ERI3: variants seen among roughly 807,000 people sequenced by gnomAD.
The protein encoded by ERI3 is ERI1 exoribonuclease family member 3, also known as ERI1 exoribonuclease 3.
ERI3 carries 18 observed loss-of-function variants against 44.4 expected under a neutral mutation model. That is an observed-to-expected ratio of 0.41 (90% CI 0.28 to 0.60). ERI3 has a LOEUF of 0.60. Ranked by LOEUF, ERI3 falls within the 20% of genes least tolerant of loss-of-function variation. ERI3 has a pLI of 0.36. For synonymous variants in ERI3, 183 were observed against 164.8 expected (o/e 1.11, Z -0.84); for missense variants, 294 against 435.5 (o/e 0.68, Z 2.89).
chr1:44,310,959 GCGCGCACACA>G (rs1274898664), intron 5 of ERI3, among the ~76,000 whole-genome samples: 19 of 81,276 alleles, frequency 2.3e-4, no homozygotes, highest in South Asian at 5.5e-4. Context: ...CATCGCGCGC[GCGCGCACACA>G]CACACACACA....
chr1:44,334,251 T>C (rs1432393480), intron 3 of ERI3, among the ~76,000 whole-genome samples: 3 of 152,192 alleles, frequency 2.0e-5, no homozygotes, highest in Non-Finnish European at 4.4e-5. Flanking sequence ...TTTTCCTCAC[T>C]TACATTTGCT....
chr1:44,278,760 C>T (rs868137553), intron 7 of ERI3, among the ~76,000 whole-genome samples: 2 of 152,056 alleles, frequency 1.3e-5, no homozygotes, highest in African/African-American at 4.8e-5. Flanking sequence ...CCACCACATC[C>T]GACTAATTTT....
rs140353347 is a variant in ERI3 at position 44,329,381 on chromosome 1, G to A, written c.490-9637C>T. Among the ~76,000 whole-genome samples the A allele has an allele frequency of 1.2e-3, 177 of 152,216 alleles. 1 individual carries two copies. Among genetic ancestry groups the A allele is most frequent in the African/African-American group, 4.0e-3 (166 of 41,538 alleles). The stretch of plus-strand genomic sequence containing the variant: ...TGAATTTCCTTTCAGGTCTGCCCCC[G>A]ACATTGTTTCTCTAGTCACATTACC... On this transcript the variant is annotated intron_variant, in intron 3 of 8. Coordinates refer to ENST00000372257, the MANE Select transcript of ERI3 (RefSeq NM_024066.3).
At chr1:44,287,736 A>G (rs905292917) in intron 6 of ERI3, among the ~76,000 whole-genome samples, 2 of 152,214 alleles carry the variant, frequency 1.3e-5, no homozygotes, top group Non-Finnish European at 1.5e-5. Context: ...CAATAATTCT[A>G]TTTCCTTCAA....
chr1:44,337,378 T>C (rs2154331010), intron 3 of ERI3, among the ~76,000 whole-genome samples: 1 of 152,292 alleles, frequency 6.6e-6, no homozygotes, highest in South Asian at 2.1e-4. Flanking sequence ...AAGATTTGGA[T>C]CCCTAATTCC....
chr1:44,256,702 G>A (rs1644788135), intron 7 of ERI3: 1 of 152,260 alleles, frequency 6.6e-6, no homozygotes, highest in Admixed American at 6.5e-5. Context: ...ACAGGTCTAA[G>A]TCCCACAGCA....
intron 8 of ERI3, among the ~76,000 whole-genome samples, chr1:44,225,054 C>T (rs1368286141): frequency 6.6e-6 from 1 of 152,056 alleles, no homozygotes; most frequent in Non-Finnish European, 1.5e-5. Context: ...AGAGAGAGAG[C>T]AGCAGGGTGT....
chr1:44,354,869 C>A, intron 1 of ERI3, 23 bp downstream of exon 1: 1 of 1,314,760 alleles, frequency 7.6e-7, no homozygotes. Flanking sequence ...CCAATCTTGG[C>A]GGGGCCATTC....
At chr1:44,343,978 T>C (rs1646735231) in intron 2 of ERI3, among the ~76,000 whole-genome samples, 1 of 151,996 alleles carries the variant, frequency 6.6e-6, no homozygotes, top group African/African-American at 2.4e-5. Flanking sequence ...GTGGCTCACA[T>C]CTGTAATCCC....
intron 8 of ERI3, among the ~76,000 whole-genome samples, chr1:44,233,348 A>T (rs1032367986): frequency 4.0e-5 from 6 of 150,552 alleles, no homozygotes; most frequent in Non-Finnish European, 8.9e-5. Flanking sequence ...CACTCTCCTG[A>T]GTTTGCCCCA....
chr1:44,251,966 C>G (rs1388688495), intron 7 of ERI3, among the ~76,000 whole-genome samples: 1 of 152,202 alleles, frequency 6.6e-6, no homozygotes, highest in Non-Finnish European at 1.5e-5. Flanking sequence ...GAGCTCTCTC[C>G]AAGAGCTTGT....
intron 8 of ERI3, among the ~76,000 whole-genome samples, chr1:44,223,577 C>T (rs372979585): frequency 6.6e-5 from 10 of 152,246 alleles, no homozygotes; most frequent in South Asian, 6.2e-4. Flanking sequence ...AATTACCCAG[C>T]GGCCACACAC....
chr1:44,299,975 G>T (rs115566527), intron 6 of ERI3, among the ~76,000 whole-genome samples: 1 of 152,118 alleles, frequency 6.6e-6, no homozygotes, highest in Non-Finnish European at 1.5e-5. Flanking sequence ...GGCAGAGACC[G>T]GCTGAGTTAG....
chr1:44,275,698 G>A (rs1645167944), intron 7 of ERI3, among the ~76,000 whole-genome samples: 1 of 152,150 alleles, frequency 6.6e-6, no homozygotes, highest in Admixed American at 6.5e-5. Flanking sequence ...GAGGAAAAGT[G>A]GAGCAGCAAT....
chr1:44,280,045 T>A (rs1174638118), intron 7 of ERI3, among the ~76,000 whole-genome samples: 1 of 152,194 alleles, frequency 6.6e-6, no homozygotes, highest in Admixed American at 6.5e-5. Context: ...ACCACATTCA[T>A]CTGGTTACAA....
chr1:44,270,070 G>C (rs1172918600), intron 7 of ERI3, among the ~76,000 whole-genome samples: 1 of 152,142 alleles, frequency 6.6e-6, no homozygotes, highest in Non-Finnish European at 1.5e-5. Flanking sequence ...CTTGAAGGAA[G>C]TTACCCTGTC....
chr1:44,257,649 CA>C (rs1644807406), intron 7 of ERI3, among the ~76,000 whole-genome samples: 1 of 152,200 alleles, frequency 6.6e-6, no homozygotes, highest in Admixed American at 6.5e-5. Flanking sequence ...TTGTAAGGCA[CA>C]GGGGTGAGTT....
chr1:44,314,740 G>A (rs117261947), intron 4 of ERI3, among the ~76,000 whole-genome samples: 1,846 of 152,270 alleles, frequency 0.012, 72 homozygotes, highest in East Asian at 0.069. Context: ...CTTTTATTTA[G>A]TCAACAACTA....
intron 8 of ERI3, among the ~76,000 whole-genome samples, chr1:44,234,608 G>A (rs868285574): frequency 3.3e-5 from 5 of 151,908 alleles, no homozygotes; most frequent in African/African-American, 9.7e-5. Context: ...GCAGTGAGCC[G>A]AGATCACATC....
Sources: gnomAD v4.1 joint callset for allele counts (sites outside exome capture counted in the v4.1 genomes callset) on GRCh38, gnomAD v4.1.1 for gene constraint, MANE v1.5 for transcripts, NCBI Gene and HGNC (gene_info 2026-07-23, HGNC 2026-07-21) for gene names.